Variants in MBOAT7 observed in about 807,000 individuals in gnomAD.
MBOAT7 encodes membrane-bound acylglycerophosphatidylinositol O-acyltransferase MBOAT7.
Under a neutral mutation model 47.4 loss-of-function variants are expected in MBOAT7, and 40 were observed. The observed-to-expected ratio is 0.84, with a 90% CI of 0.66 to 1.10. The LOEUF is 1.10. MBOAT7 is among the 50% of genes least tolerant of loss of function. The pLI, the probability that MBOAT7 is intolerant of heterozygous loss-of-function variation, is 0.00. For synonymous variants in MBOAT7, 361 were observed against 292.0 expected (o/e 1.24, Z -2.41); for missense variants, 680 against 655.6 (o/e 1.04, Z -0.41).
chr19:54,174,966 A>G (rs1328362587), intron 7 of MBOAT7, among the ~76,000 whole-genome samples: 2 of 144,382 alleles, frequency 1.4e-5, no homozygotes, highest in Non-Finnish European at 3.0e-5. Flanking sequence ...TTAATTCTTC[A>G]GCCCAGTGGT....
chr19:54,188,018 AAAGAAAGAAAG>A lies in MBOAT7; in HGVS notation c.206+188_206+198del, dbSNP rs2076484622. Among the ~76,000 whole-genome samples the A allele has an allele frequency of 2.1e-3, 204 of 96,548 alleles. 3 individuals are homozygous for A. Among genetic ancestry groups the A allele is most frequent in the African/African-American group, 4.6e-3 (137 of 29,974 alleles). 63.3% of individuals were successfully genotyped at this position (96,548 alleles called of 152,430 possible). On this transcript the variant is annotated intron_variant, in intron 3 of 7. Transcript: ENST00000245615. Reference sequence around the variant, plus strand: ...CAACAGGAGCGAAACTCCATCTCAGAAAGAAAGAAAGAAAGAAAGAAAGAAAGAAAGAAAGA... The same window carrying A: ...CAACAGGAGCGAAACTCCATCTCAGAAAAGAAAGAAAGAAAGAAAGAAAGA...
In MBOAT7 at chr19:54,180,162, C is replaced by G. The variant is rs2076222911; in HGVS notation, c.854+611G>C. 6.6e-6 allele frequency: 1 copy of G among 152,286 alleles called. No individual in the cohort carries two copies. Among genetic ancestry groups the G allele is most frequent in the Admixed American group, 6.5e-5 (1 of 15,276 alleles). 9.4% of individuals were successfully genotyped at this position (152,286 alleles called of 1,614,324 possible). On this transcript the variant is annotated intron_variant, in intron 6 of 7. Coordinates refer to ENST00000245615, the MANE Select transcript of MBOAT7 (RefSeq NM_024298.5). The surrounding 1 kb of genome is among the most constrained non-coding windows in gnomAD (Gnocchi z 5.2). ...CCCTCTGCTGGGGAACAGCACTGGTCAGGGATTGGAAATTGCTATTTCCTT... is the reference window on the plus strand; with the variant it reads ...CCCTCTGCTGGGGAACAGCACTGGTGAGGGATTGGAAATTGCTATTTCCTT...
intron 7 of MBOAT7, chr19:54,178,348 T>C: frequency 3.7e-6 from 4 of 1,080,454 alleles, no homozygotes; most frequent in Non-Finnish European, 4.5e-6. Flanking sequence ...TAAATACATT[T>C]CACATTTTAT....
intron 7 of MBOAT7, among the ~76,000 whole-genome samples, chr19:54,177,928 T>TTTTG (rs1478292843): frequency 1.6e-5 from 2 of 127,104 alleles, no homozygotes. Flanking sequence ...TTTTTTTTTT[T>TTTTG]TTGAGACGGA....
At chr19:54,189,189 AC>A in intron 1 of MBOAT7, 148 bp downstream of exon 1, 1 of 151,568 alleles carries the variant, frequency 6.6e-6, no homozygotes, top group Non-Finnish European at 1.5e-5. Flanking sequence ...CGTCCCGCGC[AC>A]CCCAGCGCAT....
chr19:54,189,183 C>G (rs2147053574), intron 1 of MBOAT7, 155 bp downstream of exon 1: 1 of 153,364 alleles, frequency 6.5e-6, no homozygotes, highest in Non-Finnish European at 1.5e-5. Context: ...CCAACCCGTC[C>G]CGCGCACCCC....
At chr19:54,176,373 T>C (rs2076108648) in intron 7 of MBOAT7, among the ~76,000 whole-genome samples, 1 of 151,884 alleles carries the variant, frequency 6.6e-6, no homozygotes, top group Non-Finnish European at 1.5e-5. Flanking sequence ...CTGGCACCTG[T>C]AATCCCAGCA....
chr19:54,186,111 T>A (rs140419932), intron 4 of MBOAT7, among the ~76,000 whole-genome samples: 3,592 of 152,176 alleles, frequency 0.024, 115 homozygotes, highest in East Asian at 0.12. Flanking sequence ...CCTCCTGGGT[T>A]CAAGCAATTC....
chr19:54,173,677 G>T lies in MBOAT7; in HGVS notation c.*367C>A. The T allele has an allele frequency of 3.7e-6, 1 of 268,136 alleles. No homozygotes were observed. Among genetic ancestry groups the T allele is most frequent in the Non-Finnish European group, 7.0e-6 (1 of 142,290 alleles). The allele number at this position is 268,136 out of a possible 1,614,324, so 16.6% of individuals were successfully genotyped here. On this transcript the variant is annotated 3_prime_UTR_variant, in exon 8 of 8. Coordinates refer to ENST00000245615, the MANE Select transcript of MBOAT7 (RefSeq NM_024298.5). Reference sequence around the variant, plus strand: ...CAAGGAAGAGGCTTCCCACTCCCAGGACCTGCCCCCAAGCTCCGACCCCAC... The same window carrying T: ...CAAGGAAGAGGCTTCCCACTCCCAGTACCTGCCCCCAAGCTCCGACCCCAC...
rs372024006 is a variant in MBOAT7, at chr19:54,174,347, G to T, written c.1116C>A (p.Cys372Ter). Reference sequence around the variant, plus strand: ...ACTCCAGCCGGCCCTCGGCAGCCAGGCACAGCGGGATGGTCAGGAAGCTCA... The same window carrying T: ...ACTCCAGCCGGCCCTCGGCAGCCAGTCACAGCGGGATGGTCAGGAAGCTCA... ...YYLSFLTIPL[C>*]LAAEGRLESA... The change falls in exon 8 of 8, where the codon TGC (cysteine) becomes TGA (stop). Residue 372 changes from cysteine to a stop codon, truncating the protein, a stop_gained. Transcript: ENST00000245615. LOFTEE classifies it high-confidence loss of function. 1 of 1,612,786 alleles carries T rather than the reference G, an allele frequency of 6.2e-7. No homozygotes were observed. The highest frequency in any genetic ancestry group is 8.5e-7 in the Non-Finnish European group (1 of 1,179,410).
At chr19:54,186,378 T>C (rs1169864055) in intron 4 of MBOAT7, among the ~76,000 whole-genome samples, 1 of 152,110 alleles carries the variant, frequency 6.6e-6, no homozygotes, top group African/African-American at 2.4e-5. Context: ...AAACCAAAAA[T>C]CCCCTCTTCC....
In MBOAT7 at chr19:54,187,193, T is replaced by C; in HGVS notation, c.301A>G (p.Thr101Ala). 1 of 1,590,476 alleles carries C rather than the reference T, an allele frequency of 6.3e-7. No individual in the cohort carries two copies. Among genetic ancestry groups the C allele is most frequent in the Non-Finnish European group, 8.5e-7 (1 of 1,170,300 alleles). Residue 101 changes from threonine to alanine, a missense_variant, in exon 4 of 8, where the codon ACC becomes GCC. Physicochemically the swap from Thr to Ala is moderately conservative, Grantham distance 58 (BLOSUM62 0). Coordinates refer to ENST00000245615, the MANE Select transcript of MBOAT7 (RefSeq NM_024298.5). Reference sequence around the variant, plus strand: ...GTCAGCAGCAGCTGGACGGCATTGGTGAAGGGCGTGGGAGTGGGCAGGCCC... The same window carrying C: ...GTCAGCAGCAGCTGGACGGCATTGGCGAAGGGCGTGGGAGTGGGCAGGCCC... ...LLGLPTPTPF[T>A]NAVQLLLTLK...
chr19:54,180,870 C>T lies in MBOAT7; in HGVS notation c.757G>A (p.Glu253Lys), dbSNP rs868498080. ...AAGCCGGCGGCAATGCAGCCGCACT[C>T]GGCGGCAATCCAGGCCACGTAGAAG... The part of the protein sequence containing the change: ...MRFYVAWIAA[E>K]CGCIAAGFGA... The change falls in exon 6 of 8, where the codon GAG becomes AAG. Residue 253 changes from glutamate (E) to lysine (K), a missense_variant. By Grantham distance (56) the Glu-to-Lys change is moderately conservative. Transcript: ENST00000245615. This position sits in a 1 kb window ranked among gnomAD's most constrained non-coding sequence, Gnocchi z 5.2. 7 of 1,589,798 alleles carry T rather than the reference C, an allele frequency of 4.4e-6. No individual in the cohort carries two copies. The East Asian group carries it at 9.1e-5, about 21-fold the overall frequency.
In MBOAT7 at chr19:54,174,376, A is replaced by G. The variant is rs1232890258; in HGVS notation, c.1087T>C (p.Tyr363His). 3.7e-6 allele frequency: 6 copies of G among 1,609,452 alleles called. No homozygotes were observed. Among genetic ancestry groups the G allele is most frequent in the Non-Finnish European group, 5.1e-6 (6 of 1,177,712 alleles). The change falls in exon 8 of 8, where the codon TAC becomes CAC. Residue 363 changes from tyrosine (Y) to histidine (H), a missense_variant. Coordinates refer to ENST00000245615, the MANE Select transcript of MBOAT7 (RefSeq NM_024298.5). ...AGCGGGATGGTCAGGAAGCTCAGGT[A>G]GTAGCCCGGGTGGAGGCCGTGCCAG... ...AYWHGLHPGY[Y>H]LSFLTIPLCL... is the part of the protein sequence containing the mutation.
rs995012162 is a variant in MBOAT7, at chr19:54,187,226, T to C, written c.268A>G (p.Ser90Gly). The part of the protein sequence containing the change: ...FSYLLFFRAL[S>G]LLGLPTPTPF... Reference sequence around the variant, plus strand: ...GTGGGAGTGGGCAGGCCCAGGAGGCTGAGGGCTCGGAAGAACAGGAGATAG... The same window carrying C: ...GTGGGAGTGGGCAGGCCCAGGAGGCCGAGGGCTCGGAAGAACAGGAGATAG... Residue 90 changes from serine to glycine, a missense_variant, in exon 4 of 8, where the codon AGC (serine) becomes GGC (glycine). Coordinates refer to ENST00000245615, the MANE Select transcript of MBOAT7 (RefSeq NM_024298.5). 7 of 1,606,978 alleles carry C rather than the reference T, an allele frequency of 4.4e-6. No homozygotes were observed. The highest frequency in any genetic ancestry group is 5.9e-6 in the Non-Finnish European group (7 of 1,177,390).
At chr19:54,184,457 A>G (rs2076376227) in intron 4 of MBOAT7, among the ~76,000 whole-genome samples, 1 of 152,018 alleles carries the variant, frequency 6.6e-6, no homozygotes, top group Admixed American at 6.6e-5. Context: ...TCCTTCTTCC[A>G]GCTTGTGGCT....
At chr19:54,177,454 C>A (rs1041043708) in intron 7 of MBOAT7, among the ~76,000 whole-genome samples, 6 of 151,878 alleles carry the variant, frequency 4.0e-5, no homozygotes, top group South Asian at 2.1e-4. Context: ...CGCCGCCACA[C>A]CCGGCTAATT....
chr19:54,179,057 G>T, intron 6 of MBOAT7, 116 bp from the exon 7 acceptor site: 1 of 1,405,810 alleles, frequency 7.1e-7, no homozygotes, highest in Non-Finnish European at 9.6e-7. Flanking sequence ...CCAGGCAATG[G>T]CCCTCTGGCT....
At chr19:54,179,307 G>C (rs953565973) in intron 6 of MBOAT7, 2 of 295,132 alleles carry the variant, frequency 6.8e-6, no homozygotes, top group Non-Finnish European at 1.3e-5. Flanking sequence ...CTAAATTGTC[G>C]GACACTGCAG....
Sources: allele counts gnomAD v4.1 joint callset (sites outside exome capture counted in the v4.1 genomes callset), GRCh38; gene constraint gnomAD v4.1.1; non-coding constraint Gnocchi (gnomAD v3.1); transcripts MANE v1.5; gene names NCBI Gene and HGNC (gene_info 2026-07-23, HGNC 2026-07-21).